The following FBXL2 variants were observed in gnomAD, a reference collection of about 807,000 sequenced individuals.
FBXL2 encodes the protein F-box and leucine rich repeat protein 2, also known as F-box/LRR-repeat protein 2.
In FBXL2, 38 loss-of-function variants were observed where a neutral mutation model predicts 69.2. The ratio of observed to expected loss-of-function variants is 0.55; its 90% confidence interval spans 0.42 to 0.72. The LOEUF (loss-of-function observed/expected upper bound fraction) is 0.72. Among genes scored for constraint, FBXL2 ranks in the 30% least tolerant of loss-of-function variants. The pLI is 0.00. For missense variants in FBXL2, 354 were observed against 520.3 expected, an observed-to-expected ratio of 0.68 and a Z score of 3.11; for synonymous variants, 192 against 201.3, an observed-to-expected ratio of 0.95 and a Z score of 0.39.
intron 2 of FBXL2, among the ~76,000 whole-genome samples, chr3:33,325,927 T>C (rs2038655353): frequency 6.6e-6 from 1 of 152,158 alleles, no homozygotes; most frequent in African/African-American, 2.4e-5. Flanking sequence ...AGCTCTAACT[T>C]CCCCTTGAAA....
chr3:33,289,775 G>C (rs746451368), intron 1 of FBXL2: 7 of 984,752 alleles, frequency 7.1e-6, no homozygotes, highest in Non-Finnish European at 7.2e-6. Context: ...GGGAAAGAGA[G>C]CTAAGAAGGG....
At chr3:33,329,539 G>T (rs1048176316) in intron 2 of FBXL2, among the ~76,000 whole-genome samples, 4 of 151,308 alleles carry the variant, frequency 2.6e-5, no homozygotes, top group African/African-American at 9.7e-5. Context: ...TGGATGAATG[G>T]ATAAAGAAAA....
At chr3:33,373,976 G>T in intron 9 of FBXL2, 55 bp downstream of exon 9, 1 of 1,568,860 alleles carries the variant, frequency 6.4e-7, no homozygotes, top group Non-Finnish European at 8.8e-7. Flanking sequence ...TCCCAAAGCA[G>T]TCTGCCTCAG....
At chr3:33,310,928 C>T (rs539337944) in intron 2 of FBXL2, among the ~76,000 whole-genome samples, 1 of 152,174 alleles carries the variant, frequency 6.6e-6, no homozygotes, top group Non-Finnish European at 1.5e-5. Flanking sequence ...GTGCACACCA[C>T]CACTCCTGGC....
At chr3:33,411,717 C>T in the FBXL2 span, 2 of 1,564,500 alleles carry the variant, frequency 1.3e-6, no homozygotes, top group African/African-American at 1.4e-5. Context: ...TACATAAAAA[C>T]ATCCACTTTA....
intron 12 of FBXL2, chr3:33,401,023 A>G (rs1380798624): frequency 1.3e-6 from 2 of 1,586,472 alleles, no homozygotes. Flanking sequence ...ATTGCTGGGG[A>G]GAAAGGAGAA....
chr3:33,368,844 C>T (rs1329982678), intron 5 of FBXL2, among the ~76,000 whole-genome samples: 1 of 152,084 alleles, frequency 6.6e-6, no homozygotes, highest in Non-Finnish European at 1.5e-5. Flanking sequence ...CCTTGGCCTC[C>T]CAAAGTGCTG....
At chr3:33,345,623 A>T (rs997926262) in intron 2 of FBXL2, among the ~76,000 whole-genome samples, 1 of 152,234 alleles carries the variant, frequency 6.6e-6, no homozygotes, top group Non-Finnish European at 1.5e-5. Context: ...GTTATATGGA[A>T]CATTCACCAA....
chr3:33,378,306 C>T (rs187383965), intron 12 of FBXL2, among the ~76,000 whole-genome samples, 159 bp downstream of exon 12: 2 of 152,270 alleles, frequency 1.3e-5, no homozygotes, highest in East Asian at 1.9e-4. Context: ...GCAGTGGATG[C>T]GTGAACTTTT....
chr3:33,416,674 T>C, the FBXL2 span: 5 of 1,070,882 alleles, frequency 4.7e-6, no homozygotes, highest in South Asian at 3.3e-5. Context: ...ACAACAATTA[T>C]TGAAGTGAAA....
chr3:33,378,193 C>T (rs775787689), intron 12 of FBXL2, 46 bp downstream of exon 12: 7 of 1,576,182 alleles, frequency 4.4e-6, no homozygotes, highest in South Asian at 1.1e-5. Context: ...GCTCCTTAGT[C>T]ATTGCTGGCC....
intron 2 of FBXL2, among the ~76,000 whole-genome samples, chr3:33,326,324 C>A (rs1293465044): frequency 6.6e-6 from 1 of 151,942 alleles, no homozygotes; most frequent in Non-Finnish European, 1.5e-5. Context: ...CACGGTGAAA[C>A]CCCGTCTCAA....
At chr3:33,277,595 G>A (rs1372876037) in intron 1 of FBXL2, 80 bp downstream of exon 1, 2 of 1,234,120 alleles carry the variant, frequency 1.6e-6, no homozygotes, top group African/African-American at 3.1e-5. Flanking sequence ...GCCCGCTAGG[G>A]TCGGGCAGGC....
At chr3:33,374,875 A>G (rs1181615500) in intron 9 of FBXL2, among the ~76,000 whole-genome samples, 2 of 152,194 alleles carry the variant, frequency 1.3e-5, no homozygotes, top group Admixed American at 6.5e-5. Flanking sequence ...CTAAAGCATT[A>G]ATCTGCAGAA....
chr3:33,355,716 G>A (rs1018388465), intron 2 of FBXL2, among the ~76,000 whole-genome samples: 6 of 152,180 alleles, frequency 3.9e-5, no homozygotes, highest in African/African-American at 1.4e-4. Flanking sequence ...GGGTGCTATT[G>A]CAGTGCTTGC....
At chr3:33,380,979 G>A (rs1352724485) in intron 13 of FBXL2, among the ~76,000 whole-genome samples, 3 of 152,150 alleles carry the variant, frequency 2.0e-5, no homozygotes, top group African/African-American at 7.2e-5. Context: ...CACTTACTCT[G>A]CAGAATTGGC....
At chr3:33,288,314 G>C (rs544796934) in intron 1 of FBXL2, among the ~76,000 whole-genome samples, 1 of 152,208 alleles carries the variant, frequency 6.6e-6, no homozygotes, top group South Asian at 2.1e-4. Context: ...GCTAGTGACT[G>C]TTCTAGTCAG....
chr3:33,283,312 G>A (rs957730999), intron 1 of FBXL2, among the ~76,000 whole-genome samples: 1 of 152,120 alleles, frequency 6.6e-6, no homozygotes, highest in African/African-American at 2.4e-5. Context: ...TAATCATGTG[G>A]TTTTTGTCTT....
chr3:33,422,684 C>T, the FBXL2 span, among the ~76,000 whole-genome samples: 1 of 139,084 alleles, frequency 7.2e-6, no homozygotes, highest in Admixed American at 8.1e-5. Flanking sequence ...ATGATTGTAC[C>T]ACTACACTCC....
Sources: allele counts gnomAD v4.1 joint callset (sites outside exome capture counted in the v4.1 genomes callset), GRCh38; gene constraint gnomAD v4.1.1; transcripts MANE v1.5; gene names NCBI Gene and HGNC (gene_info 2026-07-23, HGNC 2026-07-21).